DSCAM: variants seen among roughly 807,000 people sequenced by gnomAD.
The protein encoded by DSCAM is DS cell adhesion molecule.
DSCAM carries 47 observed loss-of-function variants against 217.7 expected under a neutral mutation model. The observed-to-expected ratio is 0.22, with a 90% CI of 0.17 to 0.28. The LOEUF is 0.28. DSCAM is among the 10% of genes least tolerant of loss of function. The probability of loss-of-function intolerance (pLI) is 1.00; values close to 1 mark genes in which losing one functional copy is unlikely to be tolerated. For synonymous variants in DSCAM, 1,056 were observed against 1,015.3 expected (o/e 1.04, Z -0.76); for missense variants, 2,080 against 2,618.3 (o/e 0.79, Z 4.49).
intron 1 of DSCAM, among the ~76,000 whole-genome samples, chr21:40,843,957 T>TAC (rs1315573595): frequency 6.6e-6 from 1 of 151,796 alleles, no homozygotes; most frequent in East Asian, 1.9e-4. Context: ...AATATTAAAC[T>TAC]ACATAATCTT....
chr21:40,352,517 A>G (rs561316803), intron 5 of DSCAM, among the ~76,000 whole-genome samples: 61 of 152,240 alleles, frequency 4.0e-4, no homozygotes, highest in African/African-American at 1.3e-3. Context: ...GTGTTGCGCT[A>G]AGGCAGTCTA....
At chr21:40,230,924 C>T (rs1405028167) in intron 11 of DSCAM, among the ~76,000 whole-genome samples, 1 of 151,968 alleles carries the variant, frequency 6.6e-6, no homozygotes, top group Admixed American at 6.6e-5. Flanking sequence ...ACAGATGTCC[C>T]CACAACCCCC....
intron 11 of DSCAM, among the ~76,000 whole-genome samples, chr21:40,257,507 C>T (rs1364770134): frequency 6.6e-6 from 1 of 150,590 alleles, no homozygotes; most frequent in African/African-American, 2.5e-5. Context: ...CAATGGCAAA[C>T]GCACTCCCTG....
intron 10 of DSCAM, among the ~76,000 whole-genome samples, chr21:40,284,645 C>T (rs1484859352): frequency 2.6e-5 from 4 of 152,218 alleles, no homozygotes; most frequent in Admixed American, 2.0e-4. Context: ...CAAATCACTG[C>T]TTGAGCACTA....
At chr21:40,297,056 T>C (rs1347886909) in intron 9 of DSCAM, among the ~76,000 whole-genome samples, 2 of 152,062 alleles carry the variant, frequency 1.3e-5, no homozygotes, top group Non-Finnish European at 2.9e-5. Flanking sequence ...GAACACATAG[T>C]CCGTTATGCC....
chr21:40,038,043 A>C (rs2088662154), intron 32 of DSCAM, among the ~76,000 whole-genome samples: 1 of 150,834 alleles, frequency 6.6e-6, no homozygotes, highest in Non-Finnish European at 1.5e-5. Flanking sequence ...CTTAAACGTT[A>C]GACCTAAAAC....
chr21:40,653,835 G>A (rs1028375897), intron 3 of DSCAM, among the ~76,000 whole-genome samples: 4 of 152,096 alleles, frequency 2.6e-5, no homozygotes, highest in African/African-American at 9.7e-5. Context: ...AGTGGCTCAC[G>A]CCTGTAATCC....
At chr21:40,112,512 G>A (rs112828237) in intron 20 of DSCAM, among the ~76,000 whole-genome samples, 1 of 151,948 alleles carries the variant, frequency 6.6e-6, no homozygotes, top group African/African-American at 2.4e-5. Flanking sequence ...AAGAACTAGA[G>A]AAGCAAGAGC....
chr21:40,056,521 C>A (rs956501938), intron 28 of DSCAM, among the ~76,000 whole-genome samples: 2 of 150,858 alleles, frequency 1.3e-5, no homozygotes, highest in Non-Finnish European at 2.9e-5. Flanking sequence ...ATGGTAGAAT[C>A]GGATTCAGTT....
At chr21:40,641,106 G>A (rs1255803276) in intron 3 of DSCAM, among the ~76,000 whole-genome samples, 3 of 152,172 alleles carry the variant, frequency 2.0e-5, no homozygotes, top group Non-Finnish European at 4.4e-5. Context: ...GAACGATGCT[G>A]CATGGAATTT....
chr21:40,398,506 C>G (rs2075202386), intron 3 of DSCAM, among the ~76,000 whole-genome samples: 1 of 151,692 alleles, frequency 6.6e-6, no homozygotes, highest in Admixed American at 6.5e-5. Flanking sequence ...TGGAGCTGGA[C>G]TTAAAATTAG....
At chr21:40,628,288 T>C (rs1453873461) in intron 3 of DSCAM, among the ~76,000 whole-genome samples, 1 of 152,212 alleles carries the variant, frequency 6.6e-6, no homozygotes, top group Non-Finnish European at 1.5e-5. Flanking sequence ...TGTGAAAGCC[T>C]GGCTCCCCCA....
At position 40,148,542 on chromosome 21, in the gene DSCAM, G is replaced by A. The variant is rs148296088; in HGVS notation, c.3019-3811C>T. On this transcript the variant is annotated intron_variant, in intron 16 of 32. Transcript: ENST00000400454. ...CTCAATAAAGCTGTTTTTTACAAAG[G>A]TAGTGTGCTAACTCATCTCTAGGTT... Among the ~76,000 whole-genome samples the A allele has an allele frequency of 2.4e-4, 36 of 152,150 alleles. No individual in the cohort carries two copies. The East Asian group carries it at 5.6e-3, about 24-fold the overall frequency.
intron 14 of DSCAM, among the ~76,000 whole-genome samples, chr21:40,183,784 C>T (rs1034311802): frequency 4.6e-5 from 7 of 152,224 alleles, no homozygotes; most frequent in East Asian, 3.9e-4. Flanking sequence ...CTTTCTGTTA[C>T]GAATGTGAAG....
intron 3 of DSCAM, among the ~76,000 whole-genome samples, chr21:40,402,049 CTTTTTTT>C (rs71186933): frequency 1.2e-4 from 7 of 58,214 alleles, no homozygotes; most frequent in African/African-American, 2.1e-4. Flanking sequence ...ATTCTTATTC[CTTTTTTT>C]TTTTTTTTTT....
chr21:40,683,421 T>A (rs769629940), intron 3 of DSCAM, among the ~76,000 whole-genome samples: 3 of 150,852 alleles, frequency 2.0e-5, no homozygotes, highest in Non-Finnish European at 4.4e-5. Context: ...AAGGAGTGTG[T>A]GACAGAGAGA....
chr21:40,434,547 C>T (rs927439777), intron 3 of DSCAM, among the ~76,000 whole-genome samples: 1 of 152,112 alleles, frequency 6.6e-6, no homozygotes, highest in Non-Finnish European at 1.5e-5. Context: ...ACACAGGCTG[C>T]AGTAATTGCT....
chr21:40,432,132 G>A (rs527470690), intron 3 of DSCAM, among the ~76,000 whole-genome samples: 1 of 152,188 alleles, frequency 6.6e-6, no homozygotes, highest in South Asian at 2.1e-4. Context: ...GAACCCAGGA[G>A]GTTGCAGTGA....
intron 27 of DSCAM, among the ~76,000 whole-genome samples, chr21:40,070,079 C>T (rs893367095): frequency 5.3e-5 from 8 of 152,022 alleles, no homozygotes; most frequent in Admixed American, 2.6e-4. Flanking sequence ...TTTTGCTTCC[C>T]GCTGTCAGAT....
Sources: gnomAD v4.1 joint callset for allele counts (sites outside exome capture counted in the v4.1 genomes callset) on GRCh38, gnomAD v4.1.1 for gene constraint, MANE v1.5 for transcripts, NCBI Gene and HGNC (gene_info 2026-07-23, HGNC 2026-07-21) for gene names.